Variants in ESRRG observed in about 807,000 individuals in gnomAD.
The protein encoded by ESRRG is estrogen-related receptor gamma.
In ESRRG, 13 loss-of-function variants were observed where a neutral mutation model predicts 44.0. The observed-to-expected ratio is 0.30, with a 90% CI of 0.19 to 0.47. The LOEUF (loss-of-function observed/expected upper bound fraction) is 0.47, where lower values mean the gene tolerates loss of function less well. ESRRG is among the 20% of genes least tolerant of loss of function. ESRRG has a pLI of 1.00. For synonymous variants in ESRRG, 215 were observed against 214.6 expected, an observed-to-expected ratio of 1.00 and a Z score of -0.02; for missense variants, 395 against 580.6, an observed-to-expected ratio of 0.68 and a Z score of 3.29.
At chr1:216,558,556 C>T (rs2058058995) in intron 5 of ESRRG, among the ~76,000 whole-genome samples, 1 of 151,994 alleles carries the variant, frequency 6.6e-6, no homozygotes, top group South Asian at 2.1e-4. Flanking sequence ...ATGGCAGTAC[C>T]TTGAAAATAA....
At chr1:216,855,676 C>T (rs1213255701) in intron 2 of ESRRG, among the ~76,000 whole-genome samples, 1 of 152,176 alleles carries the variant, frequency 6.6e-6, no homozygotes, top group Non-Finnish European at 1.5e-5. Context: ...GCTTAATCCA[C>T]CCAATTAGGT....
chr1:217,061,986 CTA>C (rs1459467482), intron 1 of ESRRG, among the ~76,000 whole-genome samples: 1 of 152,136 alleles, frequency 6.6e-6, no homozygotes, highest in Non-Finnish European at 1.5e-5. Context: ...ACATTTTAAC[CTA>C]TGTTTGCTTC....
At chr1:217,119,452 C>G (rs1048887433) in intron 1 of ESRRG, among the ~76,000 whole-genome samples, 54 of 152,246 alleles carry the variant, frequency 3.5e-4, no homozygotes, top group African/African-American at 1.2e-3. Context: ...TACATCTGCC[C>G]TAACGACTGA....
intron 1 of ESRRG, among the ~76,000 whole-genome samples, chr1:216,711,345 A>C (rs1169792922): frequency 6.6e-6 from 1 of 152,194 alleles, no homozygotes; most frequent in African/African-American, 2.4e-5. Flanking sequence ...GCAGCTGCCC[A>C]CACCACAGCG....
chr1:217,108,429 A>G lies in ESRRG; in HGVS notation c.-230+29238T>C, dbSNP rs113209795. Among the ~76,000 whole-genome samples the G allele has an allele frequency of 1.1e-4, 16 of 152,182 alleles. 1 individual carries two copies. The East Asian group carries it at 1.5e-3, about 15-fold the overall frequency. ...TTCCCTTGCCCCCATTAGTCCATAC[A>G]ATCTTCGAGGATGGGAATGTGATAT... On this transcript the variant is annotated intron_variant, in intron 1 of 8. Coordinates refer to the ESRRG transcript ENST00000366940.
intron 6 of ESRRG, among the ~76,000 whole-genome samples, chr1:216,513,759 T>G (rs1408734635): frequency 6.6e-6 from 1 of 152,146 alleles, no homozygotes; most frequent in Non-Finnish European, 1.5e-5. Context: ...ACTTAAGGCC[T>G]TCCATCTCTC....
intron 2 of ESRRG, among the ~76,000 whole-genome samples, chr1:216,857,398 G>A (rs2095966419): frequency 6.7e-6 from 1 of 149,932 alleles, no homozygotes; most frequent in Non-Finnish European, 1.5e-5. Context: ...TAAAAAATAC[G>A]CTTTGCTGAT....
intron 1 of ESRRG, among the ~76,000 whole-genome samples, chr1:216,970,493 A>G (rs961487281): frequency 1.3e-5 from 2 of 152,192 alleles, no homozygotes; most frequent in African/African-American, 4.8e-5. Context: ...TTAGATGCCA[A>G]TGACCTTGAC....
At chr1:216,943,447 G>A (rs1409987285) in intron 1 of ESRRG, among the ~76,000 whole-genome samples, 1 of 152,144 alleles carries the variant, frequency 6.6e-6, no homozygotes, top group Non-Finnish European at 1.5e-5. Flanking sequence ...CAGGTTCTAA[G>A]AATAGATATT....
intron 2 of ESRRG, among the ~76,000 whole-genome samples, chr1:216,842,926 G>A (rs968140936): frequency 6.6e-6 from 1 of 152,112 alleles, no homozygotes; most frequent in African/African-American, 2.4e-5. Context: ...AAACCAGTAA[G>A]CTGGAATCCA....
intron 2 of ESRRG, among the ~76,000 whole-genome samples, chr1:216,902,117 C>T (rs1210446002): frequency 6.6e-6 from 1 of 152,186 alleles, no homozygotes; most frequent in Non-Finnish European, 1.5e-5. Flanking sequence ...ACTGCTATTT[C>T]CTAAGCTTCT....
At chr1:216,522,239 G>A (rs1216619037) in intron 5 of ESRRG, among the ~76,000 whole-genome samples, 1 of 147,542 alleles carries the variant, frequency 6.8e-6, no homozygotes, top group African/African-American at 2.5e-5. Flanking sequence ...GGAAAAAAGG[G>A]GAAGAAACAG....
At chr1:216,538,458 T>C (rs2051671280) in intron 5 of ESRRG, among the ~76,000 whole-genome samples, 1 of 151,986 alleles carries the variant, frequency 6.6e-6, no homozygotes, top group South Asian at 2.1e-4. Flanking sequence ...ACCCCACTAC[T>C]GTCTGTCTTT....
chr1:216,830,018 G>GT (rs1422464125), intron 2 of ESRRG, among the ~76,000 whole-genome samples: 1 of 152,096 alleles, frequency 6.6e-6, no homozygotes, highest in Non-Finnish European at 1.5e-5. Flanking sequence ...GCATCAAGGC[G>GT]TTGACAGCAC....
chr1:216,791,774 G>T (rs1211193097), intron 2 of ESRRG, among the ~76,000 whole-genome samples: 10 of 152,112 alleles, frequency 6.6e-5, no homozygotes, highest in African/African-American at 2.4e-4. Flanking sequence ...AAGAAAGTCG[G>T]CTAGTGAAAA....
chr1:216,798,075 T>G (rs953328556), intron 2 of ESRRG, among the ~76,000 whole-genome samples: 1 of 152,178 alleles, frequency 6.6e-6, no homozygotes, highest in African/African-American at 2.4e-5. Context: ...ATTCTTTTCA[T>G]TGAACCAAGA....
chr1:216,935,808 G>T (rs1288057193), intron 2 of ESRRG, among the ~76,000 whole-genome samples: 3 of 151,926 alleles, frequency 2.0e-5, no homozygotes, highest in Non-Finnish European at 2.9e-5. Context: ...GTAGAGATGG[G>T]GTTTCACCAT....
intron 2 of ESRRG, among the ~76,000 whole-genome samples, chr1:216,900,949 C>A (rs1409365141): frequency 1.3e-5 from 2 of 152,120 alleles, no homozygotes; most frequent in African/African-American, 4.8e-5. Context: ...CTAGAATATT[C>A]ATGCAGGGAG....
intron 3 of ESRRG, among the ~76,000 whole-genome samples, chr1:216,592,027 G>A (rs1032228752): frequency 6.6e-6 from 1 of 152,158 alleles, no homozygotes; most frequent in Non-Finnish European, 1.5e-5. Context: ...GGCAATTTGT[G>A]CCATCTGATA....
Sources: allele counts gnomAD v4.1 joint callset (sites outside exome capture counted in the v4.1 genomes callset), GRCh38; gene constraint gnomAD v4.1.1; transcripts MANE v1.5; gene names NCBI Gene and HGNC (gene_info 2026-07-23, HGNC 2026-07-21).